Variants in CDKL4 observed in about 807,000 individuals in gnomAD.
CDKL4 encodes cyclin dependent kinase like 4, also known as cyclin-dependent kinase-like 4.
CDKL4 carries 44 observed loss-of-function variants against 42.0 expected under a neutral mutation model. The observed-to-expected ratio is 1.05, with a 90% CI of 0.82 to 1.35. The LOEUF is 1.35. Ranked by LOEUF, CDKL4 falls within the 40% of genes most tolerant of loss-of-function variation. The pLI, the probability that CDKL4 is intolerant of heterozygous loss-of-function variation, is 0.00. For synonymous variants in CDKL4, 120 were observed against 121.6 expected (o/e 0.99, Z 0.09); for missense variants, 393 against 369.9 (o/e 1.06, Z -0.51).
Position 39,185,352 on chromosome 2 carries a change from GTATATATACATATA to G in CDKL4, c.736-719_736-706del, listed in dbSNP as rs1675718156. ...CACATATGTATATATATACACATAT[GTATATATACATATA>G]TATATACATATGTATATATACATGT... On this transcript the variant is annotated intron_variant, in intron 7 of 9. Coordinates refer to ENST00000451199, the Ensembl canonical transcript of CDKL4. 1.3e-4 allele frequency among the ~76,000 whole-genome samples: 10 copies of G among 74,386 alleles called. 1 individual carries two copies. Among genetic ancestry groups the G allele is most frequent in the Non-Finnish European group, 2.1e-4 (8 of 38,610 alleles). 48.8% of individuals were successfully genotyped at this position (74,386 alleles called of 152,430 possible).
chr2:39,236,110 C>A (rs1363998211), intron 1 of CDKL4, among the ~76,000 whole-genome samples: 4 of 116,380 alleles, frequency 3.4e-5, no homozygotes, highest in South Asian at 2.6e-4. Flanking sequence ...GAATTTCAAT[C>A]AGAAAATGAA....
intron 4 of CDKL4, among the ~76,000 whole-genome samples, chr2:39,208,110 T>C (rs181028240): frequency 0.012 from 1,784 of 151,514 alleles, 9 homozygotes; most frequent in Non-Finnish European, 0.018. Context: ...TCAAAATAAA[T>C]AAATAAATAA....
intron 5 of CDKL4, among the ~76,000 whole-genome samples, chr2:39,193,675 C>T (rs921119201): frequency 6.6e-5 from 10 of 151,834 alleles, no homozygotes; most frequent in Admixed American, 1.3e-4. Context: ...GTGCCTGGCC[C>T]GTTTATAAAA....
At chr2:39,207,564 C>G (rs143144578) in intron 4 of CDKL4, among the ~76,000 whole-genome samples, 1 of 152,160 alleles carries the variant, frequency 6.6e-6, no homozygotes, top group African/African-American at 2.4e-5. Flanking sequence ...AATTTCTAGA[C>G]TATATGTGTA....
chr2:39,211,759 T>A (rs1444670190), intron 4 of CDKL4, among the ~76,000 whole-genome samples: 1 of 149,630 alleles, frequency 6.7e-6, no homozygotes, highest in Non-Finnish European at 1.5e-5. Flanking sequence ...GGAAACAACG[T>A]TGACAGGGAA....
At chr2:39,235,472 G>T (rs1257053996) in intron 1 of CDKL4, among the ~76,000 whole-genome samples, 1 of 152,180 alleles carries the variant, frequency 6.6e-6, no homozygotes, top group East Asian at 1.9e-4. Flanking sequence ...ATGGGCAATA[G>T]GTGGGAGTAA....
chr2:39,224,050 T>G (rs936866673), intron 3 of CDKL4, among the ~76,000 whole-genome samples: 4 of 152,238 alleles, frequency 2.6e-5, no homozygotes, highest in African/African-American at 7.2e-5. Context: ...AATATATTTA[T>G]TAATTGGATG....
downstream of CDKL4, among the ~76,000 whole-genome samples, chr2:39,172,135 C>G (rs1478462282): frequency 1.3e-5 from 2 of 151,770 alleles, no homozygotes; most frequent in African/African-American, 4.8e-5. Context: ...ATGGTGAAAC[C>G]CCATCTCTAC....
At chr2:39,171,367 TC>T (rs1674996074), downstream of CDKL4, among the ~76,000 whole-genome samples, 1 of 152,086 alleles carries the variant, frequency 6.6e-6, no homozygotes, top group African/African-American at 2.4e-5. Context: ...CAACTCTTCA[TC>T]CCCCAAGAAC....
At chr2:39,191,947 C>T (rs1022934504) in intron 5 of CDKL4, among the ~76,000 whole-genome samples, 1 of 152,198 alleles carries the variant, frequency 6.6e-6, no homozygotes, top group Non-Finnish European at 1.5e-5. Context: ...GCCCCAAAGA[C>T]ACTGCCACAA....
chr2:39,187,176 G>C (rs1173968503), intron 7 of CDKL4, among the ~76,000 whole-genome samples: 1 of 152,066 alleles, frequency 6.6e-6, no homozygotes, highest in Non-Finnish European at 1.5e-5. Context: ...CCTCTCTCCT[G>C]CCGCCTTGTG....
In CDKL4 at chr2:39,210,197, G is replaced by A. The variant is rs140994035; in HGVS notation, c.363+3203C>T. 8.5e-4 allele frequency among the ~76,000 whole-genome samples: 130 copies of A among 152,206 alleles called. 5 individuals are homozygous for A. In the East Asian group the frequency reaches 0.022, roughly 26 times the overall value. On this transcript the variant is annotated intron_variant, in intron 4 of 9. Transcript: ENST00000451199. The stretch of plus-strand genomic sequence containing the variant: ...GTAGAGACAGGGTTTCACCATGTTG[G>A]CCAGGCTGGTCTTGAACTCCTCACC...
At chr2:39,173,429 C>A (rs1406563764), downstream of CDKL4, among the ~76,000 whole-genome samples, 1 of 152,148 alleles carries the variant, frequency 6.6e-6, no homozygotes, top group African/African-American at 2.4e-5. Flanking sequence ...GTAATCCCAG[C>A]ACTTTGGAAG....
chr2:39,216,109 C>T (rs1023376411), intron 3 of CDKL4, among the ~76,000 whole-genome samples: 9 of 152,132 alleles, frequency 5.9e-5, no homozygotes, highest in Admixed American at 6.5e-5. Context: ...ATCTTGAACA[C>T]GTTATTTAAG....
At chr2:39,239,840 A>G (rs1001738882) in intron 1 of CDKL4, among the ~76,000 whole-genome samples, 1 of 152,242 alleles carries the variant, frequency 6.6e-6, no homozygotes, top group Admixed American at 6.5e-5. Flanking sequence ...CTGTAATCCC[A>G]ACACTTTGGG....
chr2:39,213,929 G>GT (rs764660896), intron 3 of CDKL4, among the ~76,000 whole-genome samples: 9 of 146,856 alleles, frequency 6.1e-5, no homozygotes, highest in African/African-American at 2.0e-4. Flanking sequence ...GTTTTGTTTT[G>GT]TTTTTTGAGA....
downstream of CDKL4, among the ~76,000 whole-genome samples, chr2:39,173,671 G>A (rs1315873496): frequency 3.3e-5 from 5 of 152,022 alleles, no homozygotes; most frequent in Non-Finnish European, 5.9e-5. Context: ...TTAGTCGGGC[G>A]TGGTGGTGGG....
At chr2:39,246,144 T>C (rs1347765339), upstream of CDKL4, among the ~76,000 whole-genome samples, 4 of 152,214 alleles carry the variant, frequency 2.6e-5, no homozygotes, top group African/African-American at 9.6e-5. Context: ...CATACTTCCC[T>C]AAACAGGTGA....
At chr2:39,233,743 A>C (rs1679212355) in intron 1 of CDKL4, among the ~76,000 whole-genome samples, 1 of 151,630 alleles carries the variant, frequency 6.6e-6, no homozygotes, top group Admixed American at 6.6e-5. Context: ...AAACACACAA[A>C]ATCTAACCAT....
Sources: gnomAD v4.1 joint callset for allele counts (sites outside exome capture counted in the v4.1 genomes callset) on GRCh38, gnomAD v4.1.1 for gene constraint, MANE v1.5 for transcripts, NCBI Gene and HGNC (gene_info 2026-07-23, HGNC 2026-07-21) for gene names.